The following LRRIQ3 variants were observed in gnomAD, a reference collection of about 807,000 sequenced individuals.
LRRIQ3 encodes the protein leucine rich repeats and IQ motif containing 3.
LRRIQ3 carries 75 observed loss-of-function variants against 59.3 expected under a neutral mutation model. The observed-to-expected ratio is 1.26, with a 90% confidence interval of 1.05 to 1.53. The LOEUF (loss-of-function observed/expected upper bound fraction) is 1.53. Ranked by LOEUF, LRRIQ3 falls within the 40% of genes most tolerant of loss-of-function variation. The pLI is 0.00. For synonymous variants in LRRIQ3, 250 were observed against 231.3 expected (o/e 1.08, Z -0.73); for missense variants, 831 against 710.0 (o/e 1.17, Z -1.94).
chr1:74,155,876 G>A lies in LRRIQ3; in HGVS notation c.574-10C>T. 8.0e-7 allele frequency: 1 copy of A among 1,246,892 alleles called. No homozygotes were observed. The highest frequency in any genetic ancestry group is 1.1e-6 in the Non-Finnish European group (1 of 926,538). The allele number at this position is 1,246,892 out of a possible 1,614,324, so 77.2% of individuals were successfully genotyped here. A position where few individuals can be genotyped will look rare whatever the true frequency, so the allele number is the denominator to read the frequency against. On this transcript the variant is annotated splice_polypyrimidine_tract_variant and intron_variant, in intron 3 of 7. Transcript: ENST00000354431. ...CTTCATAGGTTGTTCCCTGTATAAA[G>A]AAAATATAATTAATAATTTTTATCT...
At position 74,177,643 on chromosome 1, in the gene LRRIQ3, A is replaced by C. The variant is rs533383925; in HGVS notation, c.573+4895T>G. ...TTTAAGATATTAATATGTTTATTAC[A>C]TATAATATCTTAAGGAATTATATGT... On this transcript the variant is annotated intron_variant, in intron 3 of 7. Transcript: ENST00000354431. 1.2e-4 allele frequency among the ~76,000 whole-genome samples: 18 copies of C among 152,058 alleles called. No homozygotes were observed. The East Asian group carries it at 2.9e-3, about 24-fold the overall frequency.
intron 1 of LRRIQ3, among the ~76,000 whole-genome samples, chr1:74,189,863 C>T (rs538874399): frequency 7.2e-5 from 11 of 152,140 alleles, no homozygotes; most frequent in South Asian, 2.1e-4. Flanking sequence ...ATAAATTACC[C>T]GGTGTTGAGT....
chr1:74,196,793 A>G (rs1012186567), intron 1 of LRRIQ3, among the ~76,000 whole-genome samples: 1 of 152,190 alleles, frequency 6.6e-6, no homozygotes, highest in Admixed American at 6.5e-5. Context: ...CATCCTGGTC[A>G]AGCCTTCACC....
intron 7 of LRRIQ3, among the ~76,000 whole-genome samples, chr1:74,038,796 T>G (rs1182279260): frequency 6.6e-6 from 1 of 151,948 alleles, no homozygotes; most frequent in African/African-American, 2.4e-5. Flanking sequence ...AAAAAAGAGT[T>G]CCCAACTAAA....
chr1:74,195,456 T>TA (rs774363014), intron 1 of LRRIQ3, among the ~76,000 whole-genome samples: 2 of 152,108 alleles, frequency 1.3e-5, no homozygotes, highest in South Asian at 2.1e-4. Flanking sequence ...CCTGTAGTAA[T>TA]AAAAAAACAG....
At chr1:74,114,408 T>A (rs1646749427) in intron 4 of LRRIQ3, among the ~76,000 whole-genome samples, 1 of 152,026 alleles carries the variant, frequency 6.6e-6, no homozygotes, top group Admixed American at 6.6e-5. Context: ...TAAGTTAGTA[T>A]AAATATGAAG....
intron 4 of LRRIQ3, among the ~76,000 whole-genome samples, chr1:74,142,938 T>G (rs1168202308): frequency 6.6e-6 from 1 of 152,028 alleles, no homozygotes; most frequent in African/African-American, 2.4e-5. Context: ...AGCTGTCTTG[T>G]ATGTGTATCT....
At chr1:74,165,862 G>T (rs1373920905) in intron 3 of LRRIQ3, among the ~76,000 whole-genome samples, 2 of 151,432 alleles carry the variant, frequency 1.3e-5, no homozygotes, top group East Asian at 1.9e-4. Flanking sequence ...TAATAAGGTG[G>T]ATTGCATTTA....
At chr1:74,191,470 A>C (rs966079801) in intron 1 of LRRIQ3, among the ~76,000 whole-genome samples, 1 of 152,164 alleles carries the variant, frequency 6.6e-6, no homozygotes, top group Non-Finnish European at 1.5e-5. Context: ...AATTCATCCA[A>C]CAACAACAGA....
chr1:74,129,641 G>A (rs929949671), intron 4 of LRRIQ3, among the ~76,000 whole-genome samples: 10 of 151,824 alleles, frequency 6.6e-5, no homozygotes, highest in Non-Finnish European at 1.0e-4. Context: ...ATTTTTCCTC[G>A]AGAAGAAGGA....
chr1:74,105,634 C>A (rs1369644087), intron 5 of LRRIQ3, among the ~76,000 whole-genome samples: 1 of 151,766 alleles, frequency 6.6e-6, no homozygotes, highest in Admixed American at 6.6e-5. Context: ...ACAAACAGCT[C>A]ATCAGATTTA....
intron 3 of LRRIQ3, among the ~76,000 whole-genome samples, chr1:74,174,983 G>A (rs1342039738): frequency 6.6e-6 from 1 of 152,028 alleles, no homozygotes; most frequent in South Asian, 2.1e-4. Context: ...AAATACTTAC[G>A]TTGGTGCTTG....
chr1:74,089,755 C>T (rs761780541), intron 5 of LRRIQ3, among the ~76,000 whole-genome samples: 2 of 151,894 alleles, frequency 1.3e-5, no homozygotes, highest in East Asian at 1.9e-4. Context: ...TAGTGATGAT[C>T]GTTTCACAAA....
At chr1:74,104,611 C>T (rs890850294) in intron 5 of LRRIQ3, among the ~76,000 whole-genome samples, 8 of 151,922 alleles carry the variant, frequency 5.3e-5, no homozygotes, top group Non-Finnish European at 1.2e-4. Context: ...TTCAACTATA[C>T]GACATTTCAG....
At chr1:74,097,399 A>T (rs924163866) in intron 5 of LRRIQ3, among the ~76,000 whole-genome samples, 1 of 152,168 alleles carries the variant, frequency 6.6e-6, no homozygotes, top group Non-Finnish European at 1.5e-5. Context: ...GAAATATGGG[A>T]CTATGTGAAA....
intron 1 of LRRIQ3, among the ~76,000 whole-genome samples, chr1:74,193,774 C>T (rs565446349): frequency 9.2e-4 from 139 of 151,870 alleles, no homozygotes; most frequent in African/African-American, 3.3e-3. Flanking sequence ...ATTTTATAAG[C>T]ATGAACTATA....
At chr1:74,145,967 G>A (rs1647541629) in intron 4 of LRRIQ3, among the ~76,000 whole-genome samples, 1 of 152,038 alleles carries the variant, frequency 6.6e-6, no homozygotes, top group South Asian at 2.1e-4. Context: ...TGGTCCCCAT[G>A]AAATTATACT....
intron 6 of LRRIQ3, among the ~76,000 whole-genome samples, chr1:74,043,619 G>T (rs1222573836): frequency 6.6e-6 from 1 of 152,154 alleles, no homozygotes; most frequent in Non-Finnish European, 1.5e-5. Flanking sequence ...TCTCTCATTA[G>T]TTGGTTGAAC....
intron 6 of LRRIQ3, among the ~76,000 whole-genome samples, chr1:74,072,191 C>T (rs1474573265): frequency 2.0e-5 from 3 of 151,988 alleles, no homozygotes; most frequent in Admixed American, 1.3e-4. Context: ...TCAAATTAAT[C>T]TATACTCTGT....
Sources: allele counts gnomAD v4.1 joint callset (sites outside exome capture counted in the v4.1 genomes callset), GRCh38; gene constraint gnomAD v4.1.1; transcripts MANE v1.5; gene names NCBI Gene and HGNC (gene_info 2026-07-23, HGNC 2026-07-21).